The following FANCI variants were observed in gnomAD, a reference collection of about 807,000 sequenced individuals.
FANCI encodes Fanconi anemia group I protein.
A neutral mutation model predicts 176.1 loss-of-function variants in FANCI; 156 were observed. The ratio of observed to expected loss-of-function variants is 0.89; its 90% CI spans 0.78 to 1.01. The LOEUF (loss-of-function observed/expected upper bound fraction) is 1.01, where lower values mean the gene tolerates loss of function less well. Ranked by LOEUF, FANCI falls within the 50% of genes least tolerant of loss-of-function variation. FANCI has a pLI of 0.00. For missense variants in FANCI, 1,678 were observed against 1,534.1 expected (o/e 1.09, Z -1.57); for synonymous variants, 613 against 541.7 (o/e 1.13, Z -1.83).
At chr15:89,306,600 G>A (rs796619151) in intron 32 of FANCI, among the ~76,000 whole-genome samples, 7 of 152,192 alleles carry the variant, frequency 4.6e-5, no homozygotes, top group African/African-American at 1.7e-4. Flanking sequence ...GCTGAGGCAG[G>A]AGAATCGCTT....
At chr15:89,315,958 C>G (rs1005250293) in intron 37 of FANCI, among the ~76,000 whole-genome samples, 2 of 152,158 alleles carry the variant, frequency 1.3e-5, no homozygotes, top group Non-Finnish European at 2.9e-5. Context: ...ATCAGTAGCC[C>G]ACTCCCATTT....
intron 7 of FANCI, 73 bp downstream of exon 7, chr15:89,263,533 C>T: frequency 1.7e-6 from 2 of 1,192,424 alleles, no homozygotes; most frequent in Non-Finnish European, 2.5e-6. Context: ...TAAACTATAG[C>T]AAACGTAAAC....
At chr15:89,284,444 A>G (rs899730530) in intron 17 of FANCI, among the ~76,000 whole-genome samples, 1 of 152,218 alleles carries the variant, frequency 6.6e-6, no homozygotes, top group Non-Finnish European at 1.5e-5. Context: ...TAGGAACACT[A>G]GATATCATTT....
Position 89,252,213 on chromosome 15 carries a change from T to C in FANCI, c.84+4482T>C, listed in dbSNP as rs1022204432. 2.6e-5 allele frequency among the ~76,000 whole-genome samples: 4 copies of C among 150,962 alleles called. No individual in the cohort carries two copies. In the South Asian group the frequency reaches 6.3e-4, roughly 24 times the overall value. ...TACTCGGGAGGCTGAGGCAGAAGAA[T>C]CACTTGAACCTGGGAGGTGGAGGTT... On this transcript the variant is annotated intron_variant, in intron 2 of 37. Coordinates refer to ENST00000310775, the MANE Select transcript of FANCI (RefSeq NM_001113378.2).
At chr15:89,260,427 T>C (rs911518664) in intron 3 of FANCI, among the ~76,000 whole-genome samples, 3 of 152,216 alleles carry the variant, frequency 2.0e-5, no homozygotes, top group Admixed American at 6.5e-5. Context: ...TTATTAAATT[T>C]GGGTTACTGG....
chr15:89,278,842 G>A (rs1384964833), intron 14 of FANCI, 68 bp downstream of exon 14: 5 of 1,368,614 alleles, frequency 3.7e-6, no homozygotes, highest in Non-Finnish European at 5.2e-6. Flanking sequence ...TAATCATTTG[G>A]TCCTGGGAAA....
chr15:89,311,442 C>G (rs2054957136), intron 34 of FANCI, among the ~76,000 whole-genome samples: 2 of 152,158 alleles, frequency 1.3e-5, no homozygotes, highest in Non-Finnish European at 2.9e-5. Flanking sequence ...TCTCTTCTGG[C>G]TCTAATTTTA....
chr15:89,268,649 C>CTT, intron 10 of FANCI, 124 bp downstream of exon 10: 1 of 1,148,410 alleles, frequency 8.7e-7, no homozygotes, highest in East Asian at 2.6e-5. Context: ...TGTGGAGGAT[C>CTT]TCTTTTTTTT....
chr15:89,281,216 T>C lies in FANCI; in HGVS notation c.1428T>C (p.Ser476=), dbSNP rs780836293. The C allele has an allele frequency of 6.2e-7, 1 of 1,613,900 alleles. No homozygotes were observed. Among genetic ancestry groups the C allele is most frequent in the Non-Finnish European group, 8.5e-7 (1 of 1,179,842 alleles). The change falls in exon 15 of 38, where the codon AGT becomes AGC. Residue 476 remains serine, a synonymous_variant. Coordinates refer to ENST00000310775, the MANE Select transcript of FANCI (RefSeq NM_001113378.2). The part of the protein sequence containing the change: ...IVMYAPLVLQ[S]CSSKVTEAFD... ...TGTATGCACCCTTAGTTCTTCAAAGTTGTTCTTCTAAAGTCACAGAAGCTT... is the reference window on the plus strand; with the variant it reads ...TGTATGCACCCTTAGTTCTTCAAAGCTGTTCTTCTAAAGTCACAGAAGCTT...
At chr15:89,244,497 T>C (rs2051857030) in intron 1 of FANCI, among the ~76,000 whole-genome samples, 1 of 152,202 alleles carries the variant, frequency 6.6e-6, no homozygotes, top group African/African-American at 2.4e-5. Flanking sequence ...CCCCAGCGTC[T>C]CTTGGCAAGG....
chr15:89,260,662 C>T (rs1004509964), intron 3 of FANCI, 51 bp from the exon 4 acceptor site: 6 of 1,598,920 alleles, frequency 3.8e-6, no homozygotes, highest in Non-Finnish European at 5.1e-6. Flanking sequence ...TTCCTATTTA[C>T]CTGTCAATGT....
intron 12 of FANCI, among the ~76,000 whole-genome samples, chr15:89,276,017 G>A (rs2053397975): frequency 1.3e-5 from 2 of 152,172 alleles, no homozygotes; most frequent in African/African-American, 4.8e-5. Context: ...CTCTGTTAAA[G>A]TCTTATAATT....
intron 1 of FANCI, chr15:89,245,398 C>G (rs1337025320): frequency 8.5e-6 from 1 of 117,876 alleles, no homozygotes; most frequent in Admixed American, 1.2e-4. Flanking sequence ...GGGGTTTCAC[C>G]ATCTTGGCCA....
intron 1 of FANCI, among the ~76,000 whole-genome samples, chr15:89,247,049 A>G (rs8031134): frequency 0.096 from 14,272 of 149,028 alleles, 2,202 homozygotes; most frequent in African/African-American, 0.32. Context: ...GATTACAGGC[A>G]TGAGCCACGG....
intron 12 of FANCI, 42 bp downstream of exon 12, chr15:89,274,346 TA>T: frequency 1.2e-6 from 2 of 1,608,810 alleles, no homozygotes; most frequent in Non-Finnish European, 1.7e-6. Context: ...ATAAGGTGTT[TA>T]ATGTTAGAAA....
At chr15:89,285,624 T>G (rs10152699) in intron 18 of FANCI, among the ~76,000 whole-genome samples, 3 of 152,068 alleles carry the variant, frequency 2.0e-5, no homozygotes, top group African/African-American at 7.2e-5. Flanking sequence ...CTCAAAAAAA[T>G]TTTTTTAAGG....
intron 18 of FANCI, among the ~76,000 whole-genome samples, chr15:89,288,091 T>C (rs769393162): frequency 6.6e-6 from 1 of 152,230 alleles, no homozygotes; most frequent in Non-Finnish European, 1.5e-5. Context: ...GTAAACGTAA[T>C]ATCTGCGAAG....
At chr15:89,257,397 G>A (rs1461057657) in intron 2 of FANCI, among the ~76,000 whole-genome samples, 1 of 152,132 alleles carries the variant, frequency 6.6e-6, no homozygotes. Flanking sequence ...TCACAGTTCT[G>A]GAGACTAGAA....
chr15:89,265,536 T>C (rs1028005061), intron 9 of FANCI, among the ~76,000 whole-genome samples: 2 of 151,070 alleles, frequency 1.3e-5, no homozygotes, highest in African/African-American at 4.9e-5. Flanking sequence ...TTCTTTCTTT[T>C]TTTTTGAGAT....
Sources: gnomAD v4.1 joint callset for allele counts (sites outside exome capture counted in the v4.1 genomes callset) on GRCh38, gnomAD v4.1.1 for gene constraint, MANE v1.5 for transcripts, NCBI Gene and HGNC (gene_info 2026-07-23, HGNC 2026-07-21) for gene names.